Variants in SYT14 observed in about 807,000 individuals in gnomAD.
The protein encoded by SYT14 is synaptotagmin 14.
SYT14 carries 32 observed loss-of-function variants against 74.2 expected under a neutral mutation model. The observed-to-expected ratio is 0.43, with a 90% CI of 0.33 to 0.58. The LOEUF is 0.58. Ranked by LOEUF, SYT14 falls within the 20% of genes least tolerant of loss-of-function variation. The probability of loss-of-function intolerance (pLI) is 0.05; values close to 1 mark genes in which losing one functional copy is unlikely to be tolerated. For missense variants in SYT14, 791 were observed against 981.8 expected (o/e 0.81, Z 2.60); for synonymous variants, 298 against 337.7 (o/e 0.88, Z 1.29).
chr1:210,154,565 C>T (rs1430664422), intron 7 of SYT14, among the ~76,000 whole-genome samples: 1 of 152,120 alleles, frequency 6.6e-6, no homozygotes, highest in Admixed American at 6.5e-5. Flanking sequence ...GTAGTGATGT[C>T]TCCTTTTTCA....
At chr1:210,032,105 T>C (rs1032465029) in intron 5 of SYT14, among the ~76,000 whole-genome samples, 67 of 152,048 alleles carry the variant, frequency 4.4e-4, no homozygotes, top group African/African-American at 1.6e-3. Flanking sequence ...CTCTTCTTCA[T>C]ATGGTGATTT....
exon 7 of SYT14, chr1:210,100,192 C>A: frequency 6.2e-7 from 1 of 1,614,022 alleles, no homozygotes; most frequent in Non-Finnish European, 8.5e-7. Flanking sequence ...CAACTCATGG[C>A]AAGTACACCT....
chr1:210,105,524 G>T (rs1420592083), intron 7 of SYT14, among the ~76,000 whole-genome samples: 2 of 152,214 alleles, frequency 1.3e-5, no homozygotes, highest in Non-Finnish European at 2.9e-5. Context: ...GAATTAAGCT[G>T]CTGAGAATTT....
intron 4 of SYT14, among the ~76,000 whole-genome samples, chr1:210,018,000 G>A (rs1286456281): frequency 6.6e-6 from 1 of 152,150 alleles, no homozygotes. Flanking sequence ...ATACATAATA[G>A]GGATCTGCTA....
intron 2 of SYT14, chr1:209,953,160 T>C (rs762989355): frequency 7.8e-7 from 1 of 1,289,630 alleles, no homozygotes; most frequent in South Asian, 1.2e-5. Flanking sequence ...CGGGAACATA[T>C]CCAAAGACCA....
At chr1:210,126,547 A>G (rs1280139333) in intron 7 of SYT14, among the ~76,000 whole-genome samples, 1 of 152,182 alleles carries the variant, frequency 6.6e-6, no homozygotes, top group Non-Finnish European at 1.5e-5. Context: ...AACCAAGTTT[A>G]AAGTATGAAC....
chr1:210,159,249 A>G, intron 8 of SYT14, 172 bp from the exon 8 acceptor site: 1 of 691,478 alleles, frequency 1.4e-6, no homozygotes, highest in South Asian at 1.8e-5. Flanking sequence ...CATTAAATTT[A>G]CCCAACATCC....
chr1:210,082,541 T>C (rs866792891), intron 5 of SYT14, among the ~76,000 whole-genome samples: 2 of 152,328 alleles, frequency 1.3e-5, no homozygotes, highest in African/African-American at 4.8e-5. Context: ...TGAGTGTAGA[T>C]AAGCAAGAGA....
At chr1:209,985,506 G>T (rs2079556068) in intron 2 of SYT14, among the ~76,000 whole-genome samples, 1 of 152,226 alleles carries the variant, frequency 6.6e-6, no homozygotes, top group Non-Finnish European at 1.5e-5. Context: ...GGATGGAGTT[G>T]AGTGCTTGTG....
At chr1:210,136,040 A>G (rs1354757005) in intron 7 of SYT14, among the ~76,000 whole-genome samples, 1 of 152,202 alleles carries the variant, frequency 6.6e-6, no homozygotes, top group African/African-American at 2.4e-5. Flanking sequence ...ACTTAAGCAT[A>G]TTTAAATATG....
At chr1:210,062,623 CGTT>C (rs926572695) in intron 5 of SYT14, among the ~76,000 whole-genome samples, 2 of 151,800 alleles carry the variant, frequency 1.3e-5, no homozygotes, top group Non-Finnish European at 3.0e-5. Context: ...TACAACTAAA[CGTT>C]GTAGTTTACA....
chr1:209,941,203 C>T lies in SYT14; in HGVS notation c.-534+2926C>T, dbSNP rs554205134. ...AAATTATTTCTACTAAGTAATCATTCATTTCCTCCTTTTATCAGTCAGATG... is the reference window on the plus strand; with the variant it reads ...AAATTATTTCTACTAAGTAATCATTTATTTCCTCCTTTTATCAGTCAGATG... On this transcript the variant is annotated intron_variant, in intron 1 of 9. Coordinates refer to ENST00000637265, the Ensembl canonical transcript of SYT14. Among the ~76,000 whole-genome samples the T allele has an allele frequency of 4.6e-5, 7 of 152,234 alleles. No homozygotes were observed. The South Asian group carries it at 8.3e-4, about 18-fold the overall frequency.
intron 5 of SYT14, among the ~76,000 whole-genome samples, chr1:210,041,163 C>G (rs760576479): frequency 6.6e-6 from 1 of 152,182 alleles, no homozygotes; most frequent in East Asian, 1.9e-4. Context: ...GATGTCTCCT[C>G]TGATGTTGGG....
chr1:210,028,851 G>A (rs2080468521), intron 5 of SYT14, among the ~76,000 whole-genome samples: 1 of 152,112 alleles, frequency 6.6e-6, no homozygotes, highest in African/African-American at 2.4e-5. Context: ...CTGCCCTACT[G>A]TTTTCCACAG....
chr1:210,016,009 A>G, exon 4 of SYT14: 18 of 1,232,052 alleles, frequency 1.5e-5, no homozygotes, highest in Non-Finnish European at 1.8e-5. Flanking sequence ...AGAAAATGGC[A>G]TTTTTCAGAA....
At chr1:210,112,768 G>A (rs930485487) in intron 7 of SYT14, among the ~76,000 whole-genome samples, 6 of 151,312 alleles carry the variant, frequency 4.0e-5, no homozygotes, top group South Asian at 4.1e-4. Flanking sequence ...GGACCCTTGC[G>A]TAGTGAGGAA....
At chr1:210,039,242 C>T (rs2080733540) in intron 5 of SYT14, among the ~76,000 whole-genome samples, 1 of 152,006 alleles carries the variant, frequency 6.6e-6, no homozygotes, top group Non-Finnish European at 1.5e-5. Context: ...GAATTTTTCA[C>T]TTCTTCCAGA....
At chr1:210,148,804 A>G (rs1004734940) in intron 7 of SYT14, among the ~76,000 whole-genome samples, 1 of 152,176 alleles carries the variant, frequency 6.6e-6, no homozygotes, top group African/African-American at 2.4e-5. Flanking sequence ...TACATAAGCT[A>G]TTTCAGAGAA....
At chr1:210,040,334 C>G (rs1440760904) in intron 5 of SYT14, among the ~76,000 whole-genome samples, 1 of 151,848 alleles carries the variant, frequency 6.6e-6, no homozygotes, top group Non-Finnish European at 1.5e-5. Context: ...CACATGGACA[C>G]AGGGAGGGGA....
Sources: allele counts gnomAD v4.1 joint callset (sites outside exome capture counted in the v4.1 genomes callset), GRCh38; gene constraint gnomAD v4.1.1; transcripts MANE v1.5; gene names NCBI Gene and HGNC (gene_info 2026-07-23, HGNC 2026-07-21).